The following ASTN2 variants were observed in gnomAD, a reference collection of about 807,000 sequenced individuals.
ASTN2 encodes astrotactin-2.
A neutral mutation model predicts 139.8 loss-of-function variants in ASTN2; 54 were observed. That is an observed-to-expected ratio of 0.39 (90% CI 0.31 to 0.48). The LOEUF is 0.48. Ranked by LOEUF, ASTN2 falls within the 20% of genes least tolerant of loss-of-function variation. The probability of loss-of-function intolerance (pLI) is 0.95; values close to 1 mark genes in which losing one functional copy is unlikely to be tolerated. For synonymous variants in ASTN2, 756 were observed against 719.5 expected (o/e 1.05, Z -0.81); for missense variants, 1,565 against 1,725.1 (o/e 0.91, Z 1.64).
At chr9:116,482,854 C>A (rs1031779112) in intron 20 of ASTN2, among the ~76,000 whole-genome samples, 4 of 152,166 alleles carry the variant, frequency 2.6e-5, no homozygotes, top group Admixed American at 6.5e-5. Context: ...GAGGTGAGGG[C>A]GGGTCTGGGG....
At chr9:117,046,762 T>C (rs1432473415) in intron 5 of ASTN2, among the ~76,000 whole-genome samples, 3 of 152,202 alleles carry the variant, frequency 2.0e-5, no homozygotes, top group Admixed American at 1.3e-4. Flanking sequence ...AGACCTCATA[T>C]TTTATGCTCT....
intron 13 of ASTN2, among the ~76,000 whole-genome samples, chr9:116,790,350 G>A (rs553127574): frequency 6.6e-6 from 1 of 152,178 alleles, no homozygotes; most frequent in South Asian, 2.1e-4. Context: ...AAGGTGCAAG[G>A]TCTTACAGCT....
At chr9:117,357,229 A>G (rs1446759236) in intron 1 of ASTN2, among the ~76,000 whole-genome samples, 3 of 152,200 alleles carry the variant, frequency 2.0e-5, no homozygotes, top group Non-Finnish European at 4.4e-5. Flanking sequence ...AAGTCAAAAG[A>G]ATTTTTAATA....
intron 13 of ASTN2, among the ~76,000 whole-genome samples, chr9:116,776,155 A>T (rs756062281): frequency 1.9e-4 from 29 of 152,130 alleles, no homozygotes; most frequent in Non-Finnish European, 3.8e-4. Context: ...TCTTCTCACT[A>T]AACAGGCAAT....
intron 13 of ASTN2, among the ~76,000 whole-genome samples, chr9:116,785,609 C>T (rs1830350686): frequency 6.6e-6 from 1 of 152,154 alleles, no homozygotes; most frequent in Admixed American, 6.5e-5. Flanking sequence ...TGTGGGCTTT[C>T]CTGTCTCCAT....
intron 10 of ASTN2, among the ~76,000 whole-genome samples, chr9:116,918,206 T>C (rs1405617513): frequency 2.0e-5 from 3 of 152,188 alleles, no homozygotes; most frequent in African/African-American, 4.8e-5. Flanking sequence ...AGCATATATA[T>C]GGACTGATAC....
At chr9:117,028,493 T>C (rs957644255) in intron 6 of ASTN2, among the ~76,000 whole-genome samples, 1 of 152,170 alleles carries the variant, frequency 6.6e-6, no homozygotes, top group South Asian at 2.1e-4. Context: ...CAATGCATTC[T>C]TCCCCTCCCA....
At chr9:117,184,438 G>A (rs1831148878) in intron 3 of ASTN2, among the ~76,000 whole-genome samples, 1 of 152,154 alleles carries the variant, frequency 6.6e-6, no homozygotes. Context: ...ATTCACCAGG[G>A]AAATCATGAG....
chr9:116,570,951 A>T (rs566908538), intron 19 of ASTN2, among the ~76,000 whole-genome samples: 1 of 152,330 alleles, frequency 6.6e-6, no homozygotes, highest in South Asian at 2.1e-4. Flanking sequence ...GTATATTTTT[A>T]AAAGGAAGAA....
At chr9:116,441,221 A>T (rs1847830277) in intron 21 of ASTN2, among the ~76,000 whole-genome samples, 1 of 151,782 alleles carries the variant, frequency 6.6e-6, no homozygotes, top group Non-Finnish European at 1.5e-5. Flanking sequence ...ATCAGGTCTG[A>T]TAGGTCCCCA....
At chr9:117,281,800 T>C (rs1834331787) in intron 2 of ASTN2, among the ~76,000 whole-genome samples, 1 of 152,148 alleles carries the variant, frequency 6.6e-6, no homozygotes, top group Non-Finnish European at 1.5e-5. Flanking sequence ...CAGTCCACCC[T>C]GCCCTGCCAT....
intron 3 of ASTN2, among the ~76,000 whole-genome samples, chr9:117,160,919 G>T (rs1275331919): frequency 1.3e-5 from 2 of 151,792 alleles, no homozygotes; most frequent in Non-Finnish European, 2.9e-5. Context: ...TGGTACTAAT[G>T]ATAATGGAAA....
In ASTN2 at chr9:116,993,853, G is replaced by GATATATATATATAT. The variant is rs61556942; in HGVS notation, c.1591+14225_1591+14238dup. ...AGTATACTTTATATAGTATGTACAT[G>GATATATATATATAT]ATATATATATATATATATATATATT... is the stretch of plus-strand genomic sequence containing the variant. On this transcript the variant is annotated intron_variant, in intron 7 of 22. Coordinates refer to ENST00000313400, the MANE Select transcript of ASTN2 (RefSeq NM_001365068.1). Among the ~76,000 whole-genome samples, 85 of 132,022 alleles carry GATATATATATATAT rather than the reference G, an allele frequency of 6.4e-4. 1 individual carries two copies. Among genetic ancestry groups the GATATATATATATAT allele is most frequent in the South Asian group, 2.2e-3 (9 of 4,030 alleles). The allele number at this position is 132,022 out of a possible 152,430, so 86.6% of individuals were successfully genotyped here. A position where few individuals can be genotyped will look rare whatever the true frequency, so the allele number is the denominator to read the frequency against.
chr9:116,532,995 T>C (rs1006118722), intron 19 of ASTN2, among the ~76,000 whole-genome samples: 8 of 152,234 alleles, frequency 5.3e-5, no homozygotes, highest in African/African-American at 1.9e-4. Flanking sequence ...TCCATGAGCA[T>C]GGAATGTTCT....
At chr9:117,314,656 G>T (rs1828080368) in intron 1 of ASTN2, among the ~76,000 whole-genome samples, 1 of 144,426 alleles carries the variant, frequency 6.9e-6, no homozygotes, top group Non-Finnish European at 1.5e-5. Flanking sequence ...TATAAAATAT[G>T]TATAATTATA....
At chr9:117,342,888 C>G (rs962855462) in intron 1 of ASTN2, among the ~76,000 whole-genome samples, 2 of 152,160 alleles carry the variant, frequency 1.3e-5, no homozygotes, top group African/African-American at 4.8e-5. Flanking sequence ...TACTTTGAGT[C>G]TTGACAACAT....
Position 116,729,046 on chromosome 9 carries a change from G to T in ASTN2, c.2572C>A (p.Arg858=). 1 of 1,598,154 alleles carries T rather than the reference G, an allele frequency of 6.3e-7. No homozygotes were observed. The highest frequency in any genetic ancestry group is 8.5e-7 in the Non-Finnish European group (1 of 1,171,888). Reference sequence around the variant, plus strand: ...ACACGGTAGAGGTTGCTCCGGACCCGCCACTGCTGCACCATGGGGTAACCC... The same window carrying T: ...ACACGGTAGAGGTTGCTCCGGACCCTCCACTGCTGCACCATGGGGTAACCC... ...AMGYPMVQQW[R]VRSNLYRVKL... Residue 858 remains arginine (R), a synonymous_variant, in exon 15 of 23, where the codon CGG becomes AGG. Coordinates refer to ENST00000313400, the MANE Select transcript of ASTN2 (RefSeq NM_001365068.1).
intron 3 of ASTN2, among the ~76,000 whole-genome samples, chr9:117,167,149 C>G (rs899075328): frequency 6.6e-6 from 1 of 151,922 alleles, no homozygotes; most frequent in Non-Finnish European, 1.5e-5. Flanking sequence ...TGAAAAAAAC[C>G]TCAAAATACT....
chr9:116,911,073 G>A (rs1192009763), intron 10 of ASTN2, among the ~76,000 whole-genome samples: 2 of 152,148 alleles, frequency 1.3e-5, no homozygotes, highest in Non-Finnish European at 2.9e-5. Context: ...GTGATTCTGT[G>A]ATTTTTATAG....
Sources: gnomAD v4.1 joint callset for allele counts (sites outside exome capture counted in the v4.1 genomes callset) on GRCh38, gnomAD v4.1.1 for gene constraint, MANE v1.5 for transcripts, NCBI Gene and HGNC (gene_info 2026-07-23, HGNC 2026-07-21) for gene names.